Variants in ST3GAL4 observed in about 807,000 individuals in gnomAD.
The protein encoded by ST3GAL4 is ST3 beta-galactoside alpha-2,3-sialyltransferase 4, also known as CMP-N-acetylneuraminate-beta-galactosamide-alpha-2,3-sialyltransferase 4.
ST3GAL4 carries 24 observed loss-of-function variants against 42.6 expected under a neutral mutation model. The ratio of observed to expected loss-of-function variants is 0.56; its 90% confidence interval spans 0.41 to 0.79. The LOEUF (loss-of-function observed/expected upper bound fraction) is 0.79, where lower values mean the gene tolerates loss of function less well. Among genes scored for constraint, ST3GAL4 ranks in the 30% least tolerant of loss-of-function variants. The probability of loss-of-function intolerance (pLI) is 0.00; values close to 1 mark genes in which losing one functional copy is unlikely to be tolerated. For synonymous variants in ST3GAL4, 135 were observed against 163.2 expected (o/e 0.83, Z 1.32); for missense variants, 311 against 430.8 (o/e 0.72, Z 2.46).
At chr11:126,407,500 G>A in intron 5 of ST3GAL4, 74 bp from the exon 6 acceptor site, 1 of 1,588,542 alleles carries the variant, frequency 6.3e-7, no homozygotes. Context: ...GCTCTGAGGA[G>A]CAGTGGAGGG....
rs571641414 is a variant in ST3GAL4 at position 126,393,461 on chromosome 11, T to A, written c.-60-12635T>A. On this transcript the variant is annotated intron_variant, in intron 1 of 10. Coordinates refer to ENST00000444328, the MANE Select transcript of ST3GAL4 (RefSeq NM_001254757.2). The surrounding 1 kb of genome is among the most constrained non-coding windows in gnomAD (Gnocchi z 5.9). The stretch of plus-strand genomic sequence containing the variant: ...TGTGTTTCCATACCCAGGGCCCAGA[T>A]GGCTCAGGAGGAGGGGGATGGGGAC... 3.3e-5 allele frequency among the ~76,000 whole-genome samples: 5 copies of A among 152,334 alleles called. No homozygotes were observed. Among genetic ancestry groups the A allele is most frequent in the Admixed American group, 6.5e-5 (1 of 15,304 alleles).
Position 126,391,444 on chromosome 11 carries a change from A to G in ST3GAL4, c.-60-14652A>G, listed in dbSNP as rs1953510114. Among the ~76,000 whole-genome samples the G allele has an allele frequency of 6.6e-6, 1 of 152,096 alleles. No individual in the cohort carries two copies. The highest frequency in any genetic ancestry group is 2.4e-5 in the African/African-American group (1 of 41,406). On this transcript the variant is annotated intron_variant, in intron 1 of 10. Coordinates refer to ENST00000444328, the MANE Select transcript of ST3GAL4 (RefSeq NM_001254757.2). The surrounding 1 kb of genome is among the most constrained non-coding windows in gnomAD (Gnocchi z 5.5). ...AGTGGGGGTGCTGTTTCGGAGAGCG[A>G]TGAATCAGGGGCTTGGGTGCTGACT...
Position 126,413,690 on chromosome 11 carries a change from C to T in ST3GAL4, c.915+42C>T, listed in dbSNP as rs369634731. On this transcript the variant is annotated intron_variant, in intron 10 of 10. Coordinates refer to ENST00000444328, the MANE Select transcript of ST3GAL4 (RefSeq NM_001254757.2). ...TGAGCATGGTGGGCCAGGGCGTGGACGGGCAGACAGTCAGAGGGGCACTGG... is the reference window on the plus strand; with the variant it reads ...TGAGCATGGTGGGCCAGGGCGTGGATGGGCAGACAGTCAGAGGGGCACTGG... 3.7e-5 allele frequency: 60 copies of T among 1,608,366 alleles called. 1 individual carries two copies. In the South Asian group the frequency reaches 4.0e-4, roughly 11 times the overall value.
chr11:126,367,474 G>A (rs1211363481), intron 1 of ST3GAL4, among the ~76,000 whole-genome samples: 1 of 152,190 alleles, frequency 6.6e-6, no homozygotes, highest in East Asian at 1.9e-4. Flanking sequence ...GGCAGAGCTT[G>A]AATGGAGAGG....
Position 126,409,989 on chromosome 11 carries a change from A to G in ST3GAL4, c.771+578A>G, listed in dbSNP as rs1248098085. On this transcript the variant is annotated intron_variant, in intron 9 of 10. Coordinates refer to ENST00000444328, the MANE Select transcript of ST3GAL4 (RefSeq NM_001254757.2). This position sits in a 1 kb window ranked among gnomAD's most constrained non-coding sequence, Gnocchi z 4.9. ...GCAATCATAGCCCACTGTAACCTCA[A>G]ACTTCCAGGCTCAGGTGATCCTTCT... 6.6e-6 allele frequency among the ~76,000 whole-genome samples: 1 copy of G among 152,118 alleles called. No individual in the cohort carries two copies.
intron 1 of ST3GAL4, among the ~76,000 whole-genome samples, chr11:126,372,970 C>A (rs1952712055): frequency 6.6e-6 from 1 of 152,194 alleles, no homozygotes; most frequent in Non-Finnish European, 1.5e-5. Context: ...GGGATCCTAT[C>A]TTGTCTCTTG....
chr11:126,380,720 C>A (rs1952962641), intron 1 of ST3GAL4, among the ~76,000 whole-genome samples: 1 of 152,160 alleles, frequency 6.6e-6, no homozygotes, highest in African/African-American at 2.4e-5. Flanking sequence ...GCACTAGAGA[C>A]CTCCTCGGCA....
intron 1 of ST3GAL4, among the ~76,000 whole-genome samples, chr11:126,362,465 T>C (rs1333143213): frequency 6.6e-6 from 1 of 152,084 alleles, no homozygotes; most frequent in Admixed American, 6.6e-5. Flanking sequence ...CCTCCCAAAG[T>C]GTTGGGATTA....
chr11:126,367,572 G>T (rs1952480211), intron 1 of ST3GAL4, among the ~76,000 whole-genome samples: 1 of 152,296 alleles, frequency 6.6e-6, no homozygotes, highest in African/African-American at 2.4e-5. Flanking sequence ...CCCCTGCTGA[G>T]GCTGCGGACG....
intron 1 of ST3GAL4, among the ~76,000 whole-genome samples, chr11:126,380,596 C>T (rs1043571039): frequency 1.3e-5 from 2 of 152,164 alleles, no homozygotes; most frequent in African/African-American, 4.8e-5. Flanking sequence ...TTTTGTGATA[C>T]CATTTCTGCA....
intron 1 of ST3GAL4, among the ~76,000 whole-genome samples, chr11:126,389,378 G>A (rs560252731): frequency 1.3e-5 from 2 of 152,194 alleles, no homozygotes; most frequent in East Asian, 3.9e-4. Context: ...GAGAACCAAA[G>A]ACATGCCCCT....
Position 126,405,418 on chromosome 11 carries a change from C to T in ST3GAL4, c.-60-678C>T, listed in dbSNP as rs79592633. Among the ~76,000 whole-genome samples, 668 of 152,344 alleles carry T rather than the reference C, an allele frequency of 4.4e-3. 3 individuals carry two copies. Among genetic ancestry groups the T allele is most frequent in the African/African-American group, 0.015 (613 of 41,570 alleles). ...TTGGCCAGCCAGACCCTCCCAGCTC[C>T]CTGTGCTCCCCATTTAAACACCTTC... is the stretch of plus-strand genomic sequence containing the variant. On this transcript the variant is annotated intron_variant, in intron 1 of 10. Transcript: ENST00000444328.
Position 126,378,952 on chromosome 11 carries a change from T to C in ST3GAL4, c.-61+23110T>C, listed in dbSNP as rs1952909360. On this transcript the variant is annotated intron_variant, in intron 1 of 10. Transcript: ENST00000444328. This position sits in a 1 kb window ranked among gnomAD's most constrained non-coding sequence, Gnocchi z 5.3. ...AGGGATTCTGGAACACTGCCCAGAT[T>C]TGGCCCAGTTCCATTCATGTTTTCT... 6.6e-6 allele frequency among the ~76,000 whole-genome samples: 1 copy of C among 152,202 alleles called. No homozygotes were observed. Among genetic ancestry groups the C allele is most frequent in the African/African-American group, 2.4e-5 (1 of 41,458 alleles).
intron 8 of ST3GAL4, 24 bp downstream of exon 8, chr11:126,408,520 G>A (rs1370377443): frequency 6.2e-7 from 1 of 1,612,470 alleles, no homozygotes; most frequent in Non-Finnish European, 8.5e-7. Context: ...CAGACTGGGG[G>A]CTGAGGCCTG....
rs1954211264 is a variant in ST3GAL4 at position 126,406,021 on chromosome 11, G to A, written c.-60-75G>A. 6.6e-7 allele frequency: 1 copy of A among 1,507,238 alleles called. No individual in the cohort carries two copies. The highest frequency in any genetic ancestry group is 9.0e-7 in the Non-Finnish European group (1 of 1,109,296). The allele number at this position is 1,507,238 out of a possible 1,614,324, so 93.4% of individuals were successfully genotyped here. ...CTGGTGGAAGGGAGGGGCAGACAGTGGGTGTGTCCTGCTCCAGTGTCTAGG... is the reference window on the plus strand; with the variant it reads ...CTGGTGGAAGGGAGGGGCAGACAGTAGGTGTGTCCTGCTCCAGTGTCTAGG... On this transcript the variant is annotated intron_variant, in intron 1 of 10. Coordinates refer to ENST00000444328, the MANE Select transcript of ST3GAL4 (RefSeq NM_001254757.2). The surrounding 1 kb of genome is among the most constrained non-coding windows in gnomAD (Gnocchi z 5.4).
chr11:126,388,679 T>TTTTTTTTTTCC lies in ST3GAL4; in HGVS notation c.-60-17415_-60-17414insTTTTTTTCCTT, dbSNP rs1239186575. 4.6e-4 allele frequency among the ~76,000 whole-genome samples: 56 copies of TTTTTTTTTTCC among 122,714 alleles called. 3 individuals are homozygous for TTTTTTTTTTCC. The highest frequency in any genetic ancestry group is 1.9e-3 in the African/African-American group (55 of 29,060). 80.5% of individuals were successfully genotyped at this position (122,714 alleles called of 152,430 possible). The stretch of plus-strand genomic sequence containing the variant: ...TTTCTTGTTTTTTTTTTTTTTTTTT[T>TTTTTTTTTTCC]TTCTGATTTACGTGAGCACATCATA... On this transcript the variant is annotated intron_variant, in intron 1 of 10. Transcript: ENST00000444328.
rs773607116 is a variant in ST3GAL4 at position 126,407,253 on chromosome 11, T to C, written c.184T>C (p.Tyr62His). 3 of 1,614,112 alleles carry C rather than the reference T, an allele frequency of 1.9e-6. No individual in the cohort carries two copies. In the Admixed American group the frequency reaches 5.0e-5, roughly 27 times the overall value. Residue 62 changes from tyrosine to histidine, a missense_variant and splice_region_variant, in exon 5 of 11, where the codon TAC (tyrosine) becomes CAC (histidine). Physicochemically the swap from Tyr to His is moderately conservative, Grantham distance 83. Transcript: ENST00000444328. ...CACCCGGCTTTCACCTCTGTGCAGC[T>C]ACTCCCGGGATCAGCCCATCTTCCT... ...ESKASKLFGN[Y>H]SRDQPIFLRL...
chr11:126,402,117 G>A (rs1257895844), intron 1 of ST3GAL4, among the ~76,000 whole-genome samples: 22 of 149,446 alleles, frequency 1.5e-4, no homozygotes, highest in Non-Finnish European at 1.5e-5. Context: ...GAGTCTAGAC[G>A]TAGACAGCAG....
In ST3GAL4 at chr11:126,409,467, A is replaced by T. The variant is rs1047933787; in HGVS notation, c.771+56A>T. On this transcript the variant is annotated intron_variant, in intron 9 of 10. Coordinates refer to ENST00000444328, the MANE Select transcript of ST3GAL4 (RefSeq NM_001254757.2). This position sits in a 1 kb window ranked among gnomAD's most constrained non-coding sequence, Gnocchi z 4.9. ...GGATCCTGGGCGGGAAGTAGGAGGG[A>T]TGATCCTATGGGCTTAGGAAGCCCT... The T allele has an allele frequency of 6.2e-7, 1 of 1,611,232 alleles. No homozygotes were observed. Among genetic ancestry groups the T allele is most frequent in the Admixed American group, 1.7e-5 (1 of 59,982 alleles).
Sources: gnomAD v4.1 joint callset for allele counts (sites outside exome capture counted in the v4.1 genomes callset) on GRCh38, gnomAD v4.1.1 for gene constraint, Gnocchi (gnomAD v3.1) non-coding constraint, MANE v1.5 for transcripts, NCBI Gene and HGNC (gene_info 2026-07-23, HGNC 2026-07-21) for gene names.